The following MICAL3 variants were observed in gnomAD, a reference collection of about 807,000 sequenced individuals.
MICAL3 encodes the protein [F-actin]-monooxygenase MICAL3.
MICAL3 carries 62 observed loss-of-function variants against 207.4 expected under a neutral mutation model. The observed-to-expected ratio is 0.30, with a 90% CI of 0.24 to 0.37. The LOEUF (loss-of-function observed/expected upper bound fraction) is 0.37, where lower values mean the gene tolerates loss of function less well. Among genes scored for constraint, MICAL3 ranks in the 10% least tolerant of loss-of-function variants. The probability of loss-of-function intolerance (pLI) is 1.00; values close to 1 mark genes in which losing one functional copy is unlikely to be tolerated. For synonymous variants in MICAL3, 1,077 were observed against 1,069.3 expected, an observed-to-expected ratio of 1.01 and a Z score of -0.14; for missense variants, 2,368 against 2,635.6, an observed-to-expected ratio of 0.90 and a Z score of 2.22.
intron 1 of MICAL3, among the ~76,000 whole-genome samples, chr22:18,013,182 G>A (rs888060301): frequency 6.6e-6 from 1 of 152,178 alleles, no homozygotes; most frequent in Non-Finnish European, 1.5e-5. Flanking sequence ...CCCTATTCTT[G>A]AGATCTCTTC....
rs995735987 is a variant in MICAL3, at chr22:17,864,006, C to T, written c.2605+893G>A. ...CCCTCTTGCCACAGTGACCCTGGGC[C>T]GTGAACCACCTGGAGCTGTATGTGG... On this transcript the variant is annotated intron_variant, in intron 19 of 31. Transcript: ENST00000441493. The T allele has an allele frequency of 4.0e-5, 39 of 985,388 alleles. 1 individual carries two copies. Among genetic ancestry groups the T allele is most frequent in the African/African-American group, 5.2e-5 (3 of 57,212 alleles). 61.0% of individuals were successfully genotyped at this position (985,388 alleles called of 1,614,324 possible).
intron 1 of MICAL3, among the ~76,000 whole-genome samples, chr22:18,013,987 G>C (rs1923901202): frequency 6.6e-6 from 1 of 151,724 alleles, no homozygotes. Context: ...TGTAGAAACG[G>C]GGTCTTACCA....
intron 1 of MICAL3, among the ~76,000 whole-genome samples, chr22:18,023,838 G>A (rs2146522812): frequency 6.6e-6 from 1 of 152,392 alleles, no homozygotes; most frequent in Middle Eastern, 3.4e-3. Flanking sequence ...ATGAGCTCAT[G>A]GGTTCACCGC....
intron 27 of MICAL3, 199 bp from the exon 28 acceptor site, chr22:17,811,012 G>C: frequency 1.8e-6 from 1 of 552,368 alleles, no homozygotes; most frequent in Non-Finnish European, 3.3e-6. Context: ...GAGGTCTGCA[G>C]AGTCCCCAGC....
intron 12 of MICAL3, among the ~76,000 whole-genome samples, chr22:17,890,381 G>C (rs1930300062): frequency 6.6e-6 from 1 of 152,002 alleles, no homozygotes; most frequent in African/African-American, 2.4e-5. Context: ...AACCACTTCT[G>C]CCTGTTCCCT....
At chr22:17,928,295 G>A (rs529008665) in intron 1 of MICAL3, among the ~76,000 whole-genome samples, 5 of 152,124 alleles carry the variant, frequency 3.3e-5, no homozygotes, top group East Asian at 1.9e-4. Context: ...AAAAATTAGC[G>A]GGGCGTGGTG....
intron 16 of MICAL3, among the ~76,000 whole-genome samples, chr22:17,883,038 C>T (rs529061267): frequency 2.0e-5 from 3 of 152,328 alleles, no homozygotes; most frequent in African/African-American, 7.2e-5. Context: ...TCTCCCTCTG[C>T]TCCTCCCACC....
At chr22:17,986,564 G>A (rs920838102) in intron 1 of MICAL3, among the ~76,000 whole-genome samples, 4 of 151,714 alleles carry the variant, frequency 2.6e-5, no homozygotes, top group African/African-American at 9.7e-5. Flanking sequence ...ACAGGGTCCC[G>A]ATCCCATCTA....
intron 1 of MICAL3, among the ~76,000 whole-genome samples, chr22:17,961,840 C>T (rs1322040682): frequency 6.6e-6 from 1 of 152,200 alleles, no homozygotes; most frequent in East Asian, 1.9e-4. Flanking sequence ...CCACGGCCTG[C>T]CTGCCTCCAG....
chr22:17,834,574 A>C (rs1006642980), intron 20 of MICAL3: 2 of 1,130,844 alleles, frequency 1.8e-6, no homozygotes, highest in African/African-American at 3.4e-5. Context: ...GATAAAAATA[A>C]ATTAAAAATA....
chr22:18,013,826 G>C (rs1303896462), intron 1 of MICAL3, among the ~76,000 whole-genome samples: 31 of 151,904 alleles, frequency 2.0e-4, no homozygotes. Context: ...AGAGAAACAA[G>C]GTCTTGCTAT....
chr22:17,957,746 G>GAA (rs1934700217), intron 1 of MICAL3, among the ~76,000 whole-genome samples: 1 of 146,036 alleles, frequency 6.8e-6, no homozygotes, highest in African/African-American at 2.5e-5. Flanking sequence ...AAGAAAACGA[G>GAA]AGAGAGAGAG....
At chr22:17,847,143 G>T (rs966337086) in intron 19 of MICAL3, among the ~76,000 whole-genome samples, 4 of 152,146 alleles carry the variant, frequency 2.6e-5, no homozygotes, top group African/African-American at 9.7e-5. Flanking sequence ...CCTCCTCCCT[G>T]CAGTGGTGGC....
chr22:17,994,484 G>C (rs1333224142), intron 1 of MICAL3, among the ~76,000 whole-genome samples: 1 of 152,210 alleles, frequency 6.6e-6, no homozygotes, highest in Non-Finnish European at 1.5e-5. Context: ...CCAGCACTTT[G>C]CAGGGATCAC....
intron 1 of MICAL3, among the ~76,000 whole-genome samples, chr22:17,971,622 T>G (rs1191863477): frequency 6.6e-6 from 1 of 152,186 alleles, no homozygotes; most frequent in Non-Finnish European, 1.5e-5. Flanking sequence ...AAGCACAGAA[T>G]GTGAACAGAA....
intron 1 of MICAL3, among the ~76,000 whole-genome samples, chr22:18,008,659 C>T (rs1323030500): frequency 1.3e-5 from 2 of 152,202 alleles, no homozygotes; most frequent in Non-Finnish European, 2.9e-5. Flanking sequence ...TCGAAGACAT[C>T]ATTCTAGGTT....
intron 1 of MICAL3, among the ~76,000 whole-genome samples, chr22:17,925,907 C>T (rs912581444): frequency 6.6e-6 from 1 of 152,062 alleles, no homozygotes; most frequent in Non-Finnish European, 1.5e-5. Flanking sequence ...AAATACTGTA[C>T]AAAATGACAG....
intron 1 of MICAL3, among the ~76,000 whole-genome samples, chr22:17,977,537 A>T (rs1396267328): frequency 1.4e-5 from 1 of 71,318 alleles, no homozygotes; most frequent in East Asian, 2.2e-4. Context: ...AGACTATAAT[A>T]AAAAAAAAAA....
intron 1 of MICAL3, among the ~76,000 whole-genome samples, chr22:17,992,164 C>A (rs568750035): frequency 6.6e-6 from 1 of 152,294 alleles, no homozygotes; most frequent in South Asian, 2.1e-4. Flanking sequence ...TTGAGAGCAC[C>A]AGCTCCAAAG....
Sources: gnomAD v4.1 joint callset for allele counts (sites outside exome capture counted in the v4.1 genomes callset) on GRCh38, gnomAD v4.1.1 for gene constraint, MANE v1.5 for transcripts, NCBI Gene and HGNC (gene_info 2026-07-23, HGNC 2026-07-21) for gene names.